KIF26A: variants seen among roughly 807,000 people sequenced by gnomAD.
KIF26A encodes kinesin-like protein KIF26A.
A neutral mutation model predicts 126.0 loss-of-function variants in KIF26A; 74 were observed. The ratio of observed to expected loss-of-function variants is 0.59; its 90% CI spans 0.49 to 0.71. KIF26A has a LOEUF of 0.71. Ranked by LOEUF, KIF26A falls within the 30% of genes least tolerant of loss-of-function variation. The pLI, the probability that KIF26A is intolerant of heterozygous loss-of-function variation, is 0.00. For synonymous variants in KIF26A, 1,445 were observed against 1,232.7 expected, an observed-to-expected ratio of 1.17 and a Z score of -3.61; for missense variants, 2,984 against 2,763.3, an observed-to-expected ratio of 1.08 and a Z score of -1.79.
rs757921413 is a variant in KIF26A, at chr14:104,176,380, C to A, written c.3592C>A (p.Arg1198=). The change falls in exon 12 of 15, where the codon CGG becomes AGG. Residue 1198 remains arginine, a synonymous_variant. Coordinates refer to ENST00000423312, the MANE Select transcript of KIF26A (RefSeq NM_015656.2). ...CAGGGAGCCCCAGGCCGGGCCCTCG[C>A]GGTGGGCATCCGCAGCCCAGACCAT... ...PGREPQAGPS[R]WASAAQTIHS... 5.0e-6 allele frequency: 8 copies of A among 1,585,282 alleles called. No homozygotes were observed. In the African/African-American group the frequency reaches 6.7e-5, roughly 13 times the overall value.
intron 2 of KIF26A, among the ~76,000 whole-genome samples, chr14:104,140,145 G>T (rs1185654846): frequency 1.3e-5 from 2 of 152,208 alleles, no homozygotes; most frequent in East Asian, 3.9e-4. Context: ...GTGGGGGTTG[G>T]AGTGAGCTGA....
At chr14:104,166,808 G>C (rs1424360408) in intron 4 of KIF26A, 51 bp from the exon 5 acceptor site, 5 of 1,453,846 alleles carry the variant, frequency 3.4e-6, no homozygotes, top group Non-Finnish European at 4.6e-6. Flanking sequence ...CGGGTGACAG[G>C]AACAGCTGCT....
chr14:104,172,267 A>T (rs186526654), intron 6 of KIF26A, among the ~76,000 whole-genome samples: 2 of 152,220 alleles, frequency 1.3e-5, no homozygotes, highest in African/African-American at 4.8e-5. Flanking sequence ...TGAGCCGTGC[A>T]CCGTGTGGCT....
intron 6 of KIF26A, among the ~76,000 whole-genome samples, chr14:104,172,339 T>C (rs770309530): frequency 1.3e-5 from 2 of 152,240 alleles, no homozygotes; most frequent in Non-Finnish European, 2.9e-5. Flanking sequence ...ACTTCTGGGC[T>C]TTGCGGGTGT....
intron 13 of KIF26A, 106 bp from the exon 14 acceptor site, chr14:104,179,130 T>G (rs1425214033): frequency 2.3e-5 from 30 of 1,288,222 alleles, no homozygotes; most frequent in African/African-American, 4.6e-5. Context: ...ACTGTGTGCC[T>G]GCCAAGGCCT....
In KIF26A at chr14:104,152,149, C is replaced by A; in HGVS notation, c.423C>A (p.His141Gln). Residue 141 changes from histidine (H) to glutamine (Q), a missense_variant, in exon 3 of 15, where the codon CAC becomes CAA. His to Gln is a conservative substitution (Grantham distance 24). Transcript: ENST00000423312. This position sits in a 1 kb window ranked among gnomAD's most constrained non-coding sequence, Gnocchi z 5.9. ...AGCAGCTCACACGGGAGGCCATGCA[C>A]CTGCTGCAGGCCCCTGCCAGCCATG... The part of the protein sequence containing the change: ...HLQQLTREAM[H>Q]LLQAPASHED... 1 of 1,610,750 alleles carries A rather than the reference C, an allele frequency of 6.2e-7. No homozygotes were observed. The highest frequency in any genetic ancestry group is 8.5e-7 in the Non-Finnish European group (1 of 1,179,350).
At chr14:104,165,799 A>T (rs1467522793) in intron 4 of KIF26A, among the ~76,000 whole-genome samples, 12 of 139,436 alleles carry the variant, frequency 8.6e-5, no homozygotes, top group Admixed American at 4.3e-4. Flanking sequence ...CTCTGTGTGC[A>T]TATGTGTGTC....
At position 104,175,613 on chromosome 14, in the gene KIF26A, G is replaced by T; in HGVS notation, c.2825G>T (p.Ser942Ile). The T allele has an allele frequency of 6.2e-7, 1 of 1,610,960 alleles. No homozygotes were observed. Residue 942 changes from serine to isoleucine, a missense_variant, in exon 12 of 15, where the codon AGT becomes ATT. Ser to Ile is a moderately radical substitution (Grantham distance 142). Coordinates refer to ENST00000423312, the MANE Select transcript of KIF26A (RefSeq NM_015656.2). ...ELLVPEKAAV[S>I]GGRRPLPSPA... ...CTGGTCCCGGAAAAGGCTGCAGTGA[G>T]TGGAGGCAGGAGGCCACTGCCCAGC...
At position 104,179,967 on chromosome 14, in the gene KIF26A, G is replaced by C. The variant is rs2038084351; in HGVS notation, c.*177G>C. On this transcript the variant is annotated 3_prime_UTR_variant, in exon 15 of 15. Transcript: ENST00000423312. ...GGGAGGGCCGGCCACGCGGTGGACA[G>C]AGCGAGGGTGCCAGGGTGACCAGAA... is the stretch of plus-strand genomic sequence containing the variant. 1 of 657,160 alleles carries C rather than the reference G, an allele frequency of 1.5e-6. No individual in the cohort carries two copies. Among genetic ancestry groups the C allele is most frequent in the African/African-American group, 1.9e-5 (1 of 53,920 alleles). The allele number at this position is 657,160 out of a possible 1,614,324, so 40.7% of individuals were successfully genotyped here. A position where few individuals can be genotyped will look rare whatever the true frequency, so the allele number is the denominator to read the frequency against.
At position 104,176,371 on chromosome 14, in the gene KIF26A, G is replaced by A. The variant is rs61746959; in HGVS notation, c.3583G>A (p.Gly1195Arg). The change falls in exon 12 of 15, where the codon GGG becomes AGG. Residue 1195 changes from glycine (G) to arginine (R), a missense_variant. Coordinates refer to ENST00000423312, the MANE Select transcript of KIF26A (RefSeq NM_015656.2). Reference sequence around the variant, plus strand: ...CCGACCCGGCAGGGAGCCCCAGGCCGGGCCCTCGCGGTGGGCATCCGCAGC... The same window carrying A: ...CCGACCCGGCAGGGAGCCCCAGGCCAGGCCCTCGCGGTGGGCATCCGCAGC... ...PSRPGREPQA[G>R]PSRWASAAQT... 31 of 1,583,146 alleles carry A rather than the reference G, an allele frequency of 2.0e-5. No homozygotes were observed. The highest frequency in any genetic ancestry group is 4.5e-5 in the South Asian group (4 of 88,166).
At chr14:104,153,030 G>T (rs1334065089) in intron 3 of KIF26A, among the ~76,000 whole-genome samples, 1 of 152,162 alleles carries the variant, frequency 6.6e-6, no homozygotes, top group Non-Finnish European at 1.5e-5. Context: ...GCACAAGCTC[G>T]CCCTTCTCCC....
At chr14:104,158,537 G>A (rs2037804658) in intron 4 of KIF26A, among the ~76,000 whole-genome samples, 1 of 152,220 alleles carries the variant, frequency 6.6e-6, no homozygotes, top group South Asian at 2.1e-4. Context: ...TCCACCAGGA[G>A]CATCCCACAT....
In KIF26A at chr14:104,179,880, G is replaced by T. The variant is rs1303440151; in HGVS notation, c.*90G>T. 4 of 1,285,900 alleles carry T rather than the reference G, an allele frequency of 3.1e-6. No individual in the cohort carries two copies. The highest frequency in any genetic ancestry group is 3.0e-5 in the South Asian group (2 of 66,212). 79.7% of individuals were successfully genotyped at this position (1,285,900 alleles called of 1,614,324 possible). On this transcript the variant is annotated 3_prime_UTR_variant, in exon 15 of 15. Transcript: ENST00000423312. ...GAGGATGTGGTGGGGGCTGCGGGGG[G>T]AGGATGCGGAGGGGTTTCTGTGCAG...
Position 104,167,042 on chromosome 14 carries a change from C to A in KIF26A, c.1107C>A (p.Ile369=). ...ASKTKDNPGS[I]GKVKVMLRIW... ...AGACCAAGGACAACCCTGGCAGCATCGGGAAGGTAGACGCAGCCCCGAGTT... is the reference window on the plus strand; with the variant it reads ...AGACCAAGGACAACCCTGGCAGCATAGGGAAGGTAGACGCAGCCCCGAGTT... Residue 369 remains isoleucine (I), a synonymous_variant, in exon 5 of 15, where the codon ATC becomes ATA. Transcript: ENST00000423312. 1 of 1,555,120 alleles carries A rather than the reference C, an allele frequency of 6.4e-7. No individual in the cohort carries two copies. The highest frequency in any genetic ancestry group is 8.7e-7 in the Non-Finnish European group (1 of 1,150,158).
At chr14:104,143,192 C>T (rs569790439) in intron 2 of KIF26A, among the ~76,000 whole-genome samples, 6 of 152,344 alleles carry the variant, frequency 3.9e-5, no homozygotes, top group African/African-American at 1.4e-4. Flanking sequence ...TCCTTATGCC[C>T]CCAAGAGCTC....
At chr14:104,149,426 G>A (rs1029940687) in intron 2 of KIF26A, among the ~76,000 whole-genome samples, 3 of 152,196 alleles carry the variant, frequency 2.0e-5, no homozygotes, top group Non-Finnish European at 4.4e-5. Context: ...CTGGGCCGCC[G>A]CTGTTGCTGA....
chr14:104,141,050 C>T (rs1180121380), intron 2 of KIF26A, among the ~76,000 whole-genome samples: 2 of 152,240 alleles, frequency 1.3e-5, no homozygotes, highest in East Asian at 1.9e-4. Context: ...ATCCTGGGGC[C>T]TTACGGGTGT....
chr14:104,171,740 G>C lies in KIF26A; in HGVS notation c.1131G>C (p.Arg377=). The C allele has an allele frequency of 1.3e-6, 2 of 1,577,262 alleles. No individual in the cohort carries two copies. Among genetic ancestry groups the C allele is most frequent in the Non-Finnish European group, 1.7e-6 (2 of 1,162,904 alleles). ...GSIGKVKVML[R]IWPAQGAQRS... is the part of the protein sequence containing the mutation. ...TGCCCCAGGTGAAGGTTATGCTGCGGATCTGGCCCGCACAGGGGGCCCAGC... is the reference window on the plus strand; with the variant it reads ...TGCCCCAGGTGAAGGTTATGCTGCGCATCTGGCCCGCACAGGGGGCCCAGC... Residue 377 remains arginine (R), a synonymous_variant, in exon 6 of 15, where the codon CGG becomes CGC. Coordinates refer to ENST00000423312, the MANE Select transcript of KIF26A (RefSeq NM_015656.2).
rs1035053601 is a variant in KIF26A at position 104,179,933 on chromosome 14, T to C, written c.*143T>C. On this transcript the variant is annotated 3_prime_UTR_variant, in exon 15 of 15. Coordinates refer to ENST00000423312, the MANE Select transcript of KIF26A (RefSeq NM_015656.2). ...CGGGAGTCTCAGAGAGGAGACGGAG[T>C]GTGGGGGAGGGAGGGCCGGCCACGC... The C allele has an allele frequency of 1.6e-5, 14 of 874,012 alleles. No homozygotes were observed. The African/African-American group carries it at 2.2e-4, about 14-fold the overall frequency. 54.1% of individuals were successfully genotyped at this position (874,012 alleles called of 1,614,324 possible).
Sources: gnomAD v4.1 joint callset for allele counts (sites outside exome capture counted in the v4.1 genomes callset) on GRCh38, gnomAD v4.1.1 for gene constraint, Gnocchi (gnomAD v3.1) non-coding constraint, MANE v1.5 for transcripts, NCBI Gene and HGNC (gene_info 2026-07-23, HGNC 2026-07-21) for gene names.